The following WDR62 variants were observed in gnomAD, a reference collection of about 807,000 sequenced individuals.
WDR62 encodes WD repeat-containing protein 62.
Under a neutral mutation model 160.6 loss-of-function variants are expected in WDR62, and 112 were observed. The observed-to-expected ratio is 0.70, with a 90% CI of 0.60 to 0.82. The LOEUF (loss-of-function observed/expected upper bound fraction) is 0.82, where lower values mean the gene tolerates loss of function less well. Among genes scored for constraint, WDR62 ranks in the 40% least tolerant of loss-of-function variants. WDR62 has a pLI of 0.00. For missense variants in WDR62, 1,819 were observed against 1,983.8 expected, an observed-to-expected ratio of 0.92 and a Z score of 1.58; for synonymous variants, 792 against 815.1, an observed-to-expected ratio of 0.97 and a Z score of 0.48.
downstream of WDR62, among the ~76,000 whole-genome samples, chr19:36,105,937 G>C (rs992374752): frequency 6.6e-6 from 1 of 152,118 alleles, no homozygotes; most frequent in Non-Finnish European, 1.5e-5. Flanking sequence ...GACCTTGGGA[G>C]ATCCGCCCAC....
At chr19:36,078,696 C>T (rs899165727) in intron 9 of WDR62, among the ~76,000 whole-genome samples, 3 of 151,384 alleles carry the variant, frequency 2.0e-5, no homozygotes, top group African/African-American at 4.9e-5. Flanking sequence ...ATTAGCTGGC[C>T]GTGGTGGCGG....
rs1434761366 is a variant in WDR62 at position 36,094,074 on chromosome 19, A to G, written c.2377A>G (p.Ser793Gly). The change falls in exon 20 of 32, where the codon AGC becomes GGC. Residue 793 changes from serine (S) to glycine (G), a missense_variant. Ser to Gly is a moderately conservative substitution (Grantham distance 56, BLOSUM62 0). Transcript: ENST00000401500. ...VSTPSEIHSL[S>G]PGEQTEDDLE... Reference sequence around the variant, plus strand: ...CACACCTAGTGAGATTCACTCCCTGAGCCCTGGAGAGCAAACAGAGGATGA... The same window carrying G: ...CACACCTAGTGAGATTCACTCCCTGGGCCCTGGAGAGCAAACAGAGGATGA... The G allele has an allele frequency of 6.2e-6, 10 of 1,614,008 alleles. No homozygotes were observed. The highest frequency in any genetic ancestry group is 8.5e-6 in the Non-Finnish European group (10 of 1,180,008).
intron 18 of WDR62, among the ~76,000 whole-genome samples, chr19:36,092,277 C>T (rs1418306789): frequency 3.3e-5 from 5 of 151,010 alleles, no homozygotes; most frequent in Non-Finnish European, 7.4e-5. Context: ...CGTCACTGCA[C>T]CCTAGCCTGG....
In WDR62 at chr19:36,055,066, C is replaced by G; in HGVS notation, c.95C>G (p.Ser32Cys). The change falls in exon 1 of 32, where the codon TCC becomes TGC. Residue 32 changes from serine to cysteine, a missense_variant. Physicochemically the swap from Ser to Cys is moderately radical, Grantham distance 112 (BLOSUM62 -1). Around this residue, in one of 3 missense-constraint regions of WDR62, gnomAD observed 115 missense variants for 92.4 expected, o/e 1.24. Transcript: ENST00000401500. ...GGAGTTCCGGCGCGGAGGGGCCAGT[C>G]CTCCCCGCCCCCCGCCCCACCAATC... ...MAGVPARRGQSSPPPAPPICL... is the reference protein window; with the variant it reads ...MAGVPARRGQCSPPPAPPICL... 1 of 1,594,844 alleles carries G rather than the reference C, an allele frequency of 6.3e-7. No individual in the cohort carries two copies. Among genetic ancestry groups the G allele is most frequent in the African/African-American group, 1.3e-5 (1 of 74,680 alleles).
chr19:36,065,309 G>A (rs889593774), intron 3 of WDR62, among the ~76,000 whole-genome samples: 4 of 152,270 alleles, frequency 2.6e-5, no homozygotes, highest in African/African-American at 7.2e-5. Context: ...ACCATCTCAC[G>A]TAGGGAGACA....
At chr19:36,091,506 A>G (rs1972606770) in intron 18 of WDR62, 41 bp downstream of exon 18, 4 of 1,570,734 alleles carry the variant, frequency 2.5e-6, no homozygotes, top group Non-Finnish European at 3.5e-6. Flanking sequence ...CTCAGATACC[A>G]TGAGCACTGC....
chr19:36,060,006 A>G lies in WDR62; in HGVS notation c.308A>G (p.Gln103Arg). The change falls in exon 3 of 32, where the codon CAG becomes CGG. Residue 103 changes from glutamine to arginine, a missense_variant. Gln to Arg is a conservative substitution (Grantham distance 43). This residue lies in a region of WDR62 where 934 missense variants were observed against 1,157.2 expected (regional missense o/e 0.81). Transcript: ENST00000401500. ...VVILDPKENKQQHIFNTARKS... is the reference protein window; with the variant it reads ...VVILDPKENKRQHIFNTARKS... ...ATTTTGGACCCCAAGGAGAACAAGC[A>G]GCAGCACATCTTTAACACCGCCAGG... is the stretch of plus-strand genomic sequence containing the variant. 6.2e-7 allele frequency: 1 copy of G among 1,614,256 alleles called. No individual in the cohort carries two copies. Among genetic ancestry groups the G allele is most frequent in the Non-Finnish European group, 8.5e-7 (1 of 1,180,046 alleles).
chr19:36,068,961 C>T (rs572455221), intron 7 of WDR62, among the ~76,000 whole-genome samples: 55 of 151,300 alleles, frequency 3.6e-4, no homozygotes, highest in South Asian at 1.0e-3. Flanking sequence ...ATCTCCCGGA[C>T]GGGGCGGCGG....
intron 12 of WDR62, among the ~76,000 whole-genome samples, chr19:36,085,449 C>G (rs1972165185): frequency 1.8e-5 from 1 of 55,644 alleles, no homozygotes; most frequent in Non-Finnish European, 4.0e-5. Flanking sequence ...AGACAAGAGT[C>G]TCACTCTGTC....
intron 20 of WDR62, among the ~76,000 whole-genome samples, chr19:36,096,566 C>T (rs546045921): frequency 1.6e-4 from 24 of 152,092 alleles, no homozygotes; most frequent in South Asian, 2.1e-4. Context: ...AAAAAATTAG[C>T]CGGGCATGGT....
chr19:36,072,732 G>A (rs1447456632), intron 8 of WDR62, among the ~76,000 whole-genome samples: 3 of 152,144 alleles, frequency 2.0e-5, no homozygotes, highest in Non-Finnish European at 4.4e-5. Flanking sequence ...TTGTGTTGTA[G>A]TAGTCGGGCT....
At chr19:36,065,202 G>A (rs139940270) in intron 3 of WDR62, among the ~76,000 whole-genome samples, 2 of 152,322 alleles carry the variant, frequency 1.3e-5, no homozygotes, top group African/African-American at 4.8e-5. Flanking sequence ...AGGAGCCACG[G>A]GAAGCCTGGG....
chr19:36,086,711 G>T lies in WDR62; in HGVS notation c.1667G>T (p.Ser556Ile), dbSNP rs780553760. The change falls in exon 13 of 32, where the codon AGT becomes ATT. Residue 556 changes from serine to isoleucine, a missense_variant. Transcript: ENST00000401500. ...GGGCTGACCTTGCTGGCCTCAGCCA[G>T]TCGGGACCGGCTGATCCATGTGCTG... ...ETGLTLLASA[S>I]RDRLIHVLNV... 6.2e-7 allele frequency: 1 copy of T among 1,604,580 alleles called. No homozygotes were observed. Among genetic ancestry groups the T allele is most frequent in the Non-Finnish European group, 8.5e-7 (1 of 1,175,052 alleles).
intron 10 of WDR62, 44 bp downstream of exon 10, chr19:36,081,614 A>G (rs774402749): frequency 6.2e-7 from 1 of 1,613,668 alleles, no homozygotes; most frequent in Non-Finnish European, 8.5e-7. Context: ...AGGAACAAAG[A>G]CCTACTGTAA....
At chr19:36,096,431 C>T (rs568154880) in intron 20 of WDR62, among the ~76,000 whole-genome samples, 2 of 152,238 alleles carry the variant, frequency 1.3e-5, no homozygotes, top group East Asian at 1.9e-4. Context: ...CCCGGCTGGG[C>T]GCAGTGGCTC....
In WDR62 at chr19:36,104,930, A is replaced by G. The variant is rs1364842175; in HGVS notation, c.4474A>G (p.Thr1492Ala). The change falls in exon 32 of 32, where the codon ACG becomes GCG. Residue 1492 changes from threonine (T) to alanine (A), a missense_variant. Physicochemically the swap from Thr to Ala is moderately conservative, Grantham distance 58. Transcript: ENST00000401500. Reference sequence around the variant, plus strand: ...CAGCCCAGGACCCCCGTCCCCACCGACGCTGTACCCCCTGGCCAGCCCAGA... The same window carrying G: ...CAGCCCAGGACCCCCGTCCCCACCGGCGCTGTACCCCCTGGCCAGCCCAGA... Reference protein sequence around the residue: ...LPSPGPPSPPTLYPLASPDLQ... With the variant: ...LPSPGPPSPPALYPLASPDLQ... 5.6e-6 allele frequency: 9 copies of G among 1,608,934 alleles called. No individual in the cohort carries two copies. Among genetic ancestry groups the G allele is most frequent in the Admixed American group, 3.3e-5 (2 of 59,806 alleles).
intron 25 of WDR62, 39 bp downstream of exon 25, chr19:36,101,813 G>A (rs1405547512): frequency 2.6e-6 from 4 of 1,535,270 alleles, no homozygotes; most frequent in Non-Finnish European, 3.5e-6. Flanking sequence ...TCGCTGCTCG[G>A]GCCTGGCTTA....
At chr19:36,078,833 C>CAA (rs748116998) in intron 9 of WDR62, among the ~76,000 whole-genome samples, 13,384 of 65,006 alleles carry the variant, frequency 0.21, 1,010 homozygotes, top group Middle Eastern at 0.3. Context: ...GAGACTCTGT[C>CAA]AAAAAAAAAA....
Position 36,086,772 on chromosome 19 carries a change from G to A in WDR62, c.1728G>A (p.Leu576=), listed in dbSNP as rs1421071496. ...VEKNYNLEQT[L]DDHSSSITAI... is the part of the protein sequence containing the mutation. ...AGAACTACAACCTGGAGCAGACGCT[G>A]GATGACCACTCCTCCTCCATCACCG... Residue 576 remains leucine, a synonymous_variant, in exon 13 of 32, where the codon CTG becomes CTA. Coordinates refer to ENST00000401500, the MANE Select transcript of WDR62 (RefSeq NM_001083961.2). 1.9e-6 allele frequency: 3 copies of A among 1,609,430 alleles called. No homozygotes were observed. The highest frequency in any genetic ancestry group is 4.5e-5 in the East Asian group (2 of 44,740).
Sources: gnomAD v4.1 joint callset for allele counts (sites outside exome capture counted in the v4.1 genomes callset) on GRCh38, gnomAD v4.1.1 for gene constraint, gnomAD v4.1.1 regional missense constraint, MANE v1.5 for transcripts, NCBI Gene and HGNC (gene_info 2026-07-23, HGNC 2026-07-21) for gene names.